DPRX: variants seen among roughly 807,000 people sequenced by gnomAD.
The protein encoded by DPRX is divergent-paired related homeobox, also known as divergent paired-related homeobox.
Under a neutral mutation model 8.4 loss-of-function variants are expected in DPRX, and 11 were observed. The ratio of observed to expected loss-of-function variants is 1.31; its 90% CI spans 0.82 to 2.17. DPRX has a LOEUF of 2.17. Among genes scored for constraint, DPRX ranks in the 30% most tolerant of loss-of-function variants. The pLI is 0.00. For synonymous variants in DPRX, 72 were observed against 87.0 expected, an observed-to-expected ratio of 0.83 and a Z score of 0.96; for missense variants, 211 against 236.7, an observed-to-expected ratio of 0.89 and a Z score of 0.71.
chr19:53,633,722 A>G (rs148070253), intron 1 of DPRX, among the ~76,000 whole-genome samples: 51 of 152,152 alleles, frequency 3.4e-4, no homozygotes, highest in African/African-American at 1.1e-3. Context: ...GTTAGCCAGA[A>G]TGGTCTTGAT....
chr19:53,616,135 C>A, the DPRX span, among the ~76,000 whole-genome samples: 4,872 of 151,930 alleles, frequency 0.032, 111 homozygotes, highest in South Asian at 0.094. Flanking sequence ...GTCTGTAATC[C>A]CAGCTATTCG....
intron 2 of DPRX, among the ~76,000 whole-genome samples, chr19:53,635,396 C>T (rs1283023885): frequency 6.6e-6 from 1 of 152,124 alleles, no homozygotes; most frequent in Non-Finnish European, 1.5e-5. Context: ...CATTGGAGTG[C>T]AGTGGCACGA....
chr19:53,619,503 T>C, the DPRX span, among the ~76,000 whole-genome samples: 12 of 151,932 alleles, frequency 7.9e-5, no homozygotes, highest in African/African-American at 2.9e-4. Context: ...GGAGAAACCC[T>C]GTCTCTACTA....
upstream of DPRX, among the ~76,000 whole-genome samples, chr19:53,628,146 G>A (rs182202757): frequency 1.8e-3 from 280 of 152,122 alleles, 1 homozygote; most frequent in Non-Finnish European, 3.0e-3. Context: ...AAAGATACAT[G>A]TAATCAAAGT....
chr19:53,604,245 T>C, the DPRX span, among the ~76,000 whole-genome samples: 1 of 151,964 alleles, frequency 6.6e-6, no homozygotes, highest in East Asian at 1.9e-4. Context: ...GTTTCGGGCA[T>C]GTACTGGGGG....
At chr19:53,601,694 C>A in the DPRX span, among the ~76,000 whole-genome samples, 36 of 152,158 alleles carry the variant, frequency 2.4e-4, no homozygotes, top group African/African-American at 3.9e-4. Flanking sequence ...GTTGGTCAGG[C>A]TGGTCCCGAA....
upstream of DPRX, among the ~76,000 whole-genome samples, chr19:53,631,628 C>CACAG (rs1031941767): frequency 6.6e-6 from 1 of 151,978 alleles, no homozygotes; most frequent in African/African-American, 2.4e-5. Context: ...GGAGTGGTGG[C>CACAG]ACAGGCCTGT....
the DPRX span, among the ~76,000 whole-genome samples, chr19:53,613,389 C>A: frequency 2.6e-5 from 4 of 152,142 alleles, no homozygotes; most frequent in African/African-American, 9.7e-5. Context: ...CTCTGTCACC[C>A]AGGCTGGAGT....
chr19:53,603,222 T>C, the DPRX span: 11 of 418,424 alleles, frequency 2.6e-5, no homozygotes, highest in Non-Finnish European at 4.4e-5. Flanking sequence ...CGGCCAAAAG[T>C]GCGCCTACTA....
At chr19:53,629,885 G>T (rs917692978), upstream of DPRX, 1 of 151,554 alleles carries the variant, frequency 6.6e-6, no homozygotes, top group Non-Finnish European at 1.5e-5. Context: ...GTGGGGAAAT[G>T]GTCTAGGTTG....
At chr19:53,604,075 C>A in the DPRX span, among the ~76,000 whole-genome samples, 2 of 152,066 alleles carry the variant, frequency 1.3e-5, no homozygotes, top group Non-Finnish European at 2.9e-5. Context: ...TTGTGTGCAG[C>A]TTCAAGTAGC....
chr19:53,621,858 C>T, the DPRX span, among the ~76,000 whole-genome samples: 19 of 152,222 alleles, frequency 1.2e-4, 1 homozygote, highest in Admixed American at 4.6e-4. Context: ...TTGTAGGCTG[C>T]TATAGCTATT....
At chr19:53,624,079 C>CTTTTT in the DPRX span, among the ~76,000 whole-genome samples, 1 of 93,286 alleles carries the variant, frequency 1.1e-5, no homozygotes, top group Admixed American at 1.5e-4. Flanking sequence ...ATTGTTGTAC[C>CTTTTT]TTTTTTTTTT....
the DPRX span, among the ~76,000 whole-genome samples, chr19:53,622,653 C>T: frequency 0.022 from 3,392 of 152,122 alleles, 131 homozygotes; most frequent in African/African-American, 0.077. Context: ...TATCCATGCC[C>T]GCCAACTACC....
the DPRX span, chr19:53,617,185 T>C: frequency 2.3e-4 from 236 of 1,006,036 alleles, no homozygotes; most frequent in Non-Finnish European, 3.5e-4. Flanking sequence ...GATTCGTCTG[T>C]GTCCTATTGA....
chr19:53,636,929 G>A lies in DPRX; in HGVS notation c.517G>A (p.Ala173Thr), dbSNP rs370339375. 1.7e-5 allele frequency: 27 copies of A among 1,613,134 alleles called. 2 individuals are homozygous for A. The Middle Eastern group carries it at 9.9e-4, about 59-fold the overall frequency. Residue 173 changes from alanine to threonine, a missense_variant, in exon 3 of 3, where the codon GCT becomes ACT. By Grantham distance (58) the Ala-to-Thr change is moderately conservative. Transcript: ENST00000376650. ...CCCCATTTTGGAATCCCAAGTTTGC[G>A]CTCCAAGCTTCCATTCTGGCTCTCC... is the stretch of plus-strand genomic sequence containing the variant.
chr19:53,622,380 C>A, the DPRX span, among the ~76,000 whole-genome samples: 3 of 152,040 alleles, frequency 2.0e-5, no homozygotes, highest in African/African-American at 7.2e-5. Flanking sequence ...TTCATGCCTA[C>A]AATCCCAGCA....
the DPRX span, chr19:53,602,312 G>C: frequency 0.018 from 5,819 of 316,232 alleles, 381 homozygotes; most frequent in African/African-American, 0.13. Context: ...GTGTGTGTGT[G>C]CCAGCCTCCC....
At chr19:53,603,712 TTTTC>T in the DPRX span, among the ~76,000 whole-genome samples, 3 of 151,876 alleles carry the variant, frequency 2.0e-5, no homozygotes, top group Non-Finnish European at 4.4e-5. Flanking sequence ...AATTTGTAAG[TTTTC>T]TTTCTTTTTT....
Sources: allele counts gnomAD v4.1 joint callset (sites outside exome capture counted in the v4.1 genomes callset), GRCh38; gene constraint gnomAD v4.1.1; transcripts MANE v1.5; gene names NCBI Gene and HGNC (gene_info 2026-07-23, HGNC 2026-07-21).